The following CSNK1A1 variants were observed in gnomAD, a reference collection of about 807,000 sequenced individuals.
CSNK1A1 encodes casein kinase I isoform alpha.
In CSNK1A1, 7 loss-of-function variants were observed where a neutral mutation model predicts 46.1. The ratio of observed to expected loss-of-function variants is 0.15; its 90% CI spans 0.09 to 0.29. The LOEUF (loss-of-function observed/expected upper bound fraction) is 0.29, where lower values mean the gene tolerates loss of function less well. CSNK1A1 is among the 10% of genes least tolerant of loss of function. The pLI is 1.00. For synonymous variants in CSNK1A1, 137 were observed against 141.5 expected, an observed-to-expected ratio of 0.97 and a Z score of 0.23; for missense variants, 96 against 417.1, an observed-to-expected ratio of 0.23 and a Z score of 6.71.
chr5:149,530,799 C>T (rs554436283), intron 2 of CSNK1A1, among the ~76,000 whole-genome samples: 201 of 151,956 alleles, frequency 1.3e-3, no homozygotes, highest in African/African-American at 4.5e-3. Context: ...AACCCCGTCT[C>T]TACTAAAAAT....
At chr5:149,545,794 G>A (rs1231599729) in intron 2 of CSNK1A1, 9 of 567,584 alleles carry the variant, frequency 1.6e-5, no homozygotes, top group Non-Finnish European at 2.6e-5. Context: ...TCGTGGACTT[G>A]GCCATGTCTG....
At chr5:149,509,808 T>TG in intron 7 of CSNK1A1, 71 bp downstream of exon 7, 2 of 1,194,604 alleles carry the variant, frequency 1.7e-6, no homozygotes, top group East Asian at 5.2e-5. Flanking sequence ...CCCAAAGTGC[T>TG]GGGATTACAG....
chr5:149,544,832 T>C (rs1365042803), intron 2 of CSNK1A1, among the ~76,000 whole-genome samples: 2 of 147,700 alleles, frequency 1.4e-5, no homozygotes, highest in African/African-American at 2.5e-5. Flanking sequence ...GTTAAGCTTT[T>C]GGGGAGTCAA....
Position 149,544,605 on chromosome 5 carries a change from C to A in CSNK1A1, c.230+5470G>T, listed in dbSNP as rs1316767755. Among the ~76,000 whole-genome samples the A allele has an allele frequency of 2.7e-5, 4 of 150,776 alleles. No individual in the cohort carries two copies. In the South Asian group the frequency reaches 6.3e-4, roughly 24 times the overall value. On this transcript the variant is annotated intron_variant, in intron 2 of 9. Transcript: ENST00000377843. ...TTAACAGAAACTCAATACAGCTGAC[C>A]CTTGAACAAAAGGGGCTTGAAATGC... is the stretch of plus-strand genomic sequence containing the variant.
At chr5:149,545,306 G>A (rs1486918448) in intron 2 of CSNK1A1, 2 of 314,874 alleles carry the variant, frequency 6.4e-6, no homozygotes, top group Non-Finnish European at 1.2e-5. Flanking sequence ...AGCACAGGAG[G>A]ACCCCAGCCC....
chr5:149,524,864 T>A (rs2113126410), intron 3 of CSNK1A1, among the ~76,000 whole-genome samples, 181 bp downstream of exon 3: 1 of 152,314 alleles, frequency 6.6e-6, no homozygotes, highest in South Asian at 2.1e-4. Flanking sequence ...GAAACCAAGA[T>A]AATTCCAGGT....
At chr5:149,497,513 TCCA>T (rs1760690459) in intron 9 of CSNK1A1, 4 of 985,406 alleles carry the variant, frequency 4.1e-6, no homozygotes, top group Admixed American at 6.1e-5. Context: ...ACTTCCCTCC[TCCA>T]CCACAAGTAG....
At chr5:149,516,247 G>T (rs752472732) in intron 4 of CSNK1A1, among the ~76,000 whole-genome samples, 5 of 152,082 alleles carry the variant, frequency 3.3e-5, no homozygotes, top group Non-Finnish European at 5.9e-5. Flanking sequence ...AACCTGGGAG[G>T]TGGAAGTTGC....
At chr5:149,512,476 T>C (rs766871677) in intron 5 of CSNK1A1, among the ~76,000 whole-genome samples, 14 of 152,160 alleles carry the variant, frequency 9.2e-5, no homozygotes, top group Non-Finnish European at 1.8e-4. Context: ...TTTCTACTTA[T>C]TACTTCTATG....
intron 7 of CSNK1A1, among the ~76,000 whole-genome samples, chr5:149,509,122 AC>A (rs1378054668): frequency 6.6e-6 from 1 of 151,888 alleles, no homozygotes; most frequent in African/African-American, 2.4e-5. Flanking sequence ...ATGGGGTTTC[AC>A]CATGTTGCCT....
intron 3 of CSNK1A1, among the ~76,000 whole-genome samples, chr5:149,523,425 T>C (rs1761634694): frequency 6.6e-6 from 1 of 152,234 alleles, no homozygotes; most frequent in Admixed American, 6.5e-5. Context: ...TATAGCTCAC[T>C]GTAGCCTGGA....
chr5:149,528,870 G>A (rs117966577), intron 2 of CSNK1A1, among the ~76,000 whole-genome samples: 2,612 of 152,216 alleles, frequency 0.017, 39 homozygotes, highest in East Asian at 0.086. Flanking sequence ...GCACTAACCC[G>A]ATTCTCTGAG....
chr5:149,537,938 A>G (rs1762110997), intron 2 of CSNK1A1, among the ~76,000 whole-genome samples: 1 of 151,018 alleles, frequency 6.6e-6, no homozygotes, highest in African/African-American at 2.4e-5. Context: ...TCACAATTAC[A>G]TGCCAGGCTC....
At chr5:149,544,652 T>G (rs2113195545) in intron 2 of CSNK1A1, among the ~76,000 whole-genome samples, 1 of 149,196 alleles carries the variant, frequency 6.7e-6, no homozygotes, top group African/African-American at 2.5e-5. Context: ...TGTACACAGG[T>G]TTTTTTCTGC....
chr5:149,523,051 T>TTG (rs1761620440), intron 3 of CSNK1A1, among the ~76,000 whole-genome samples: 1 of 151,710 alleles, frequency 6.6e-6, no homozygotes, highest in South Asian at 2.1e-4. Context: ...AAGGCTTTTT[T>TTG]TTTTTTTGAG....
At chr5:149,503,968 A>G in intron 9 of CSNK1A1, 4 of 985,450 alleles carry the variant, frequency 4.1e-6, no homozygotes, top group Non-Finnish European at 4.8e-6. Context: ...TGTCAGGTGT[A>G]ACAAGTCCTT....
chr5:149,511,009 G>A (rs1399593222), intron 6 of CSNK1A1, among the ~76,000 whole-genome samples: 1 of 152,030 alleles, frequency 6.6e-6, no homozygotes, highest in African/African-American at 2.4e-5. Context: ...CAAAGAACTG[G>A]TAAGGTACCA....
intron 4 of CSNK1A1, among the ~76,000 whole-genome samples, chr5:149,518,237 GA>G (rs1259362746): frequency 1.5e-4 from 23 of 151,946 alleles, no homozygotes; most frequent in Middle Eastern, 6.8e-3. Context: ...TTGTACGGGG[GA>G]AAAAAATCTT....
intron 2 of CSNK1A1, among the ~76,000 whole-genome samples, chr5:149,530,068 C>T (rs532656439): frequency 6.6e-6 from 1 of 152,130 alleles, no homozygotes; most frequent in South Asian, 2.1e-4. Context: ...TTAGTTCCAT[C>T]ACCATGACCA....
Sources: gnomAD v4.1 joint callset for allele counts (sites outside exome capture counted in the v4.1 genomes callset) on GRCh38, gnomAD v4.1.1 for gene constraint, MANE v1.5 for transcripts, NCBI Gene and HGNC (gene_info 2026-07-23, HGNC 2026-07-21) for gene names.